The following LRMDA variants were observed in gnomAD, a reference collection of about 807,000 sequenced individuals.
LRMDA encodes leucine-rich melanocyte differentiation-associated protein.
A neutral mutation model predicts 29.8 loss-of-function variants in LRMDA; 18 were observed. That is an observed-to-expected ratio of 0.60 (90% confidence interval 0.42 to 0.90). The LOEUF (loss-of-function observed/expected upper bound fraction) is 0.90. Ranked by LOEUF, LRMDA falls within the 40% of genes least tolerant of loss-of-function variation. The probability of loss-of-function intolerance (pLI) is 0.00; values close to 1 mark genes in which losing one functional copy is unlikely to be tolerated. For missense variants in LRMDA, 273 were observed against 273.9 expected (o/e 1.00, Z 0.02); for synonymous variants, 125 against 109.4 (o/e 1.14, Z -0.89).
chr10:76,411,058 T>C (rs1234715080), intron 6 of LRMDA, among the ~76,000 whole-genome samples: 1 of 152,212 alleles, frequency 6.6e-6, no homozygotes, highest in African/African-American at 2.4e-5. Flanking sequence ...GAGATGTTTG[T>C]CATTTACCTG....
chr10:75,775,095 A>C (rs1278543486), intron 2 of LRMDA, among the ~76,000 whole-genome samples: 2 of 152,210 alleles, frequency 1.3e-5, no homozygotes, highest in Non-Finnish European at 2.9e-5. Flanking sequence ...CTTCCACTGT[A>C]GATTTTGTGG....
At chr10:75,951,360 G>A (rs1218057169) in intron 2 of LRMDA, among the ~76,000 whole-genome samples, 2 of 152,190 alleles carry the variant, frequency 1.3e-5, no homozygotes, top group Non-Finnish European at 2.9e-5. Flanking sequence ...TGCAGTCAGA[G>A]CCGACTTCCT....
At chr10:76,493,469 G>A (rs1040853493) in intron 6 of LRMDA, among the ~76,000 whole-genome samples, 1 of 152,064 alleles carries the variant, frequency 6.6e-6, no homozygotes, top group African/African-American at 2.4e-5. Context: ...AATCAGGGAT[G>A]ATCCCATTTT....
At chr10:75,879,687 T>A (rs1828623227) in intron 2 of LRMDA, among the ~76,000 whole-genome samples, 1 of 152,198 alleles carries the variant, frequency 6.6e-6, no homozygotes, top group Non-Finnish European at 1.5e-5. Context: ...TGGGGTCTTA[T>A]GAAAAGCCAT....
intron 2 of LRMDA, among the ~76,000 whole-genome samples, chr10:75,901,943 A>G (rs1845681096): frequency 6.6e-6 from 1 of 152,106 alleles, no homozygotes; most frequent in African/African-American, 2.4e-5. Context: ...CATACTGTGG[A>G]TATCTCTCAC....
At chr10:75,635,703 A>G (rs1841383192) in intron 2 of LRMDA, among the ~76,000 whole-genome samples, 1 of 152,156 alleles carries the variant, frequency 6.6e-6, no homozygotes, top group Non-Finnish European at 1.5e-5. Context: ...ATTTAAAAGG[A>G]TGCCCACACT....
intron 2 of LRMDA, among the ~76,000 whole-genome samples, chr10:75,804,857 A>T (rs765216740): frequency 1.3e-5 from 2 of 152,190 alleles, no homozygotes. Flanking sequence ...TTCCCTGTGC[A>T]TGAGAGGAGT....
At chr10:75,731,626 C>T (rs945436194) in intron 2 of LRMDA, among the ~76,000 whole-genome samples, 7 of 152,212 alleles carry the variant, frequency 4.6e-5, no homozygotes, top group African/African-American at 1.4e-4. Flanking sequence ...CATCTCTGGA[C>T]TCACCATTAA....
At chr10:75,948,343 T>C (rs1211964438) in intron 2 of LRMDA, among the ~76,000 whole-genome samples, 2 of 152,172 alleles carry the variant, frequency 1.3e-5, no homozygotes, top group African/African-American at 2.4e-5. Context: ...GATATCCCCA[T>C]TATGTGGCAT....
At chr10:76,291,215 C>T (rs1021898198) in intron 5 of LRMDA, among the ~76,000 whole-genome samples, 1 of 152,178 alleles carries the variant, frequency 6.6e-6, no homozygotes, top group South Asian at 2.1e-4. Context: ...CTTCACCCTC[C>T]CTCCTCCCTG....
At chr10:75,681,155 T>G (rs1300074803) in intron 2 of LRMDA, among the ~76,000 whole-genome samples, 2 of 152,204 alleles carry the variant, frequency 1.3e-5, no homozygotes, top group Admixed American at 1.3e-4. Context: ...GTCATACTCA[T>G]CAAGATCAAC....
chr10:75,478,400 A>C (rs1844820345), intron 2 of LRMDA, among the ~76,000 whole-genome samples: 1 of 152,168 alleles, frequency 6.6e-6, no homozygotes, highest in Admixed American at 6.5e-5. Flanking sequence ...GTCAACAGCG[A>C]ATCTCCAATC....
chr10:75,612,481 T>G (rs964619832), intron 2 of LRMDA, among the ~76,000 whole-genome samples: 1 of 152,124 alleles, frequency 6.6e-6, no homozygotes, highest in Non-Finnish European at 1.5e-5. Flanking sequence ...ATTGATGCCA[T>G]TTTACTAAGC....
At chr10:75,483,238 C>T (rs2132054587) in intron 2 of LRMDA, among the ~76,000 whole-genome samples, 1 of 152,304 alleles carries the variant, frequency 6.6e-6, no homozygotes, top group East Asian at 1.9e-4. Context: ...TGAGCCACCA[C>T]ACCCCACCCA....
intron 2 of LRMDA, among the ~76,000 whole-genome samples, chr10:75,763,053 A>G (rs1843117401): frequency 6.6e-6 from 1 of 152,114 alleles, no homozygotes; most frequent in South Asian, 2.1e-4. Context: ...CCCTTTTTTC[A>G]TGTCTATCTT....
intron 5 of LRMDA, among the ~76,000 whole-genome samples, chr10:76,190,250 C>T (rs150053981): frequency 6.6e-6 from 1 of 152,160 alleles, no homozygotes; most frequent in African/African-American, 2.4e-5. Flanking sequence ...AATTTCCACT[C>T]GGATTTTTCT....
chr10:76,270,170 C>T (rs1840049844), intron 5 of LRMDA: 1 of 152,294 alleles, frequency 6.6e-6, no homozygotes, highest in Admixed American at 6.5e-5. Flanking sequence ...AGACAATAGA[C>T]ACGTAAAGAA....
intron 2 of LRMDA, among the ~76,000 whole-genome samples, chr10:75,461,245 A>G (rs1486583729): frequency 6.6e-6 from 1 of 152,162 alleles, no homozygotes; most frequent in Admixed American, 6.5e-5. Flanking sequence ...AAAAGAAAGC[A>G]TGATCTGTTG....
intron 2 of LRMDA, among the ~76,000 whole-genome samples, chr10:75,967,829 A>T (rs546845949): frequency 1.3e-5 from 2 of 152,042 alleles, no homozygotes; most frequent in Non-Finnish European, 2.9e-5. Context: ...CTTCCCTGGG[A>T]GGCCCACGAG....
Sources: allele counts gnomAD v4.1 joint callset (sites outside exome capture counted in the v4.1 genomes callset), GRCh38; gene constraint gnomAD v4.1.1; transcripts MANE v1.5; gene names NCBI Gene and HGNC (gene_info 2026-07-23, HGNC 2026-07-21).